The following WDTC1 variants were observed in gnomAD, a reference collection of about 807,000 sequenced individuals.
WDTC1 encodes WD and tetratricopeptide repeats protein 1.
A neutral mutation model predicts 76.0 loss-of-function variants in WDTC1; 12 were observed. The observed-to-expected ratio is 0.16, with a 90% CI of 0.10 to 0.26. The LOEUF is 0.26. Among genes scored for constraint, WDTC1 ranks in the 10% least tolerant of loss-of-function variants. The probability of loss-of-function intolerance (pLI) is 1.00; values close to 1 mark genes in which losing one functional copy is unlikely to be tolerated. For synonymous variants in WDTC1, 326 were observed against 350.8 expected, an observed-to-expected ratio of 0.93 and a Z score of 0.79; for missense variants, 511 against 908.8, an observed-to-expected ratio of 0.56 and a Z score of 5.63.
At chr1:27,240,929 C>T (rs183259099) in intron 1 of WDTC1, among the ~76,000 whole-genome samples, 10 of 144,896 alleles carry the variant, frequency 6.9e-5, no homozygotes, top group Admixed American at 4.4e-4. Flanking sequence ...GAGTTGAGAT[C>T]GCAACACTGT....
chr1:27,281,459 A>G (rs941671784), intron 3 of WDTC1, among the ~76,000 whole-genome samples: 1 of 151,028 alleles, frequency 6.6e-6, no homozygotes, highest in African/African-American at 2.4e-5. Flanking sequence ...AAAAAAAAAA[A>G]TGCTGGGTGA....
At chr1:27,288,908 C>T (rs1431888654) in intron 6 of WDTC1, among the ~76,000 whole-genome samples, 1 of 152,114 alleles carries the variant, frequency 6.6e-6, no homozygotes, top group African/African-American at 2.4e-5. Flanking sequence ...AGGGGCTCCT[C>T]ACTTCCCAGT....
At chr1:27,294,750 A>G in intron 9 of WDTC1, 121 bp downstream of exon 9, 1 of 794,710 alleles carries the variant, frequency 1.3e-6, no homozygotes, top group Non-Finnish European at 2.0e-6. Flanking sequence ...AAATGATGTT[A>G]CATTGAAATG....
intron 1 of WDTC1, among the ~76,000 whole-genome samples, chr1:27,259,271 G>A (rs1323893652): frequency 6.0e-5 from 9 of 149,716 alleles, no homozygotes; most frequent in Non-Finnish European, 1.3e-4. Flanking sequence ...GTGATCTTCC[G>A]ACCTCAGCCT....
intron 3 of WDTC1, among the ~76,000 whole-genome samples, chr1:27,267,214 G>A (rs1454594938): frequency 6.6e-6 from 1 of 150,574 alleles, no homozygotes; most frequent in Non-Finnish European, 1.5e-5. Flanking sequence ...AGAGCTGACA[G>A]TTTAAAAAGC....
At chr1:27,270,519 C>T (rs552348389) in intron 3 of WDTC1, among the ~76,000 whole-genome samples, 7 of 152,170 alleles carry the variant, frequency 4.6e-5, no homozygotes, top group African/African-American at 1.7e-4. Flanking sequence ...ACGGTGAAAC[C>T]CTGTCTCTAC....
At position 27,303,441 on chromosome 1, in the gene WDTC1, A is replaced by G. The variant is rs539821249; in HGVS notation, c.1469-180A>G. Among the ~76,000 whole-genome samples, 1 of 152,252 alleles carries G rather than the reference A, an allele frequency of 6.6e-6. No homozygotes were observed. Among genetic ancestry groups the G allele is most frequent in the South Asian group, 2.1e-4 (1 of 4,822 alleles). On this transcript the variant is annotated intron_variant, in intron 13 of 15. Coordinates refer to ENST00000319394, the MANE Select transcript of WDTC1 (RefSeq NM_001276252.2). The surrounding 1 kb of genome is among the most constrained non-coding windows in gnomAD (Gnocchi z 4.8). Reference sequence around the variant, plus strand: ...CAAAGGTCTCCTCTTGAACATCCTCAGGGGCTAGATCCAAAGATGCATCTT... The same window carrying G: ...CAAAGGTCTCCTCTTGAACATCCTCGGGGGCTAGATCCAAAGATGCATCTT...
intron 1 of WDTC1, among the ~76,000 whole-genome samples, chr1:27,239,095 G>A (rs1163372374): frequency 6.8e-6 from 1 of 147,428 alleles, no homozygotes; most frequent in Admixed American, 6.8e-5. Context: ...ATAGAGATGG[G>A]GTTTCACTAT....
intron 2 of WDTC1, among the ~76,000 whole-genome samples, chr1:27,262,207 C>T (rs375638995): frequency 1.3e-5 from 2 of 151,852 alleles, no homozygotes; most frequent in East Asian, 1.9e-4. Context: ...GGATTACAGG[C>T]GTGAGCCACC....
At chr1:27,256,115 T>C (rs1054869881) in intron 1 of WDTC1, among the ~76,000 whole-genome samples, 5 of 152,164 alleles carry the variant, frequency 3.3e-5, no homozygotes, top group African/African-American at 1.2e-4. Context: ...GCTTGAAGAA[T>C]GCTAAAACAA....
intron 1 of WDTC1, among the ~76,000 whole-genome samples, chr1:27,248,454 T>A (rs2011923466): frequency 6.6e-6 from 1 of 152,210 alleles, no homozygotes; most frequent in African/African-American, 2.4e-5. Flanking sequence ...ATGTCTTCTT[T>A]TGAAAAGTGT....
upstream of WDTC1, chr1:27,234,580 G>T: frequency 2.6e-6 from 1 of 390,356 alleles, no homozygotes; most frequent in Non-Finnish European, 4.5e-6. Context: ...CGTACCCGCC[G>T]GCTGCGAGGC....
chr1:27,260,968 G>C lies in WDTC1; in HGVS notation c.-87G>C. 1 of 1,428,480 alleles carries C rather than the reference G, an allele frequency of 7.0e-7. No individual in the cohort carries two copies. Among genetic ancestry groups the C allele is most frequent in the East Asian group, 2.3e-5 (1 of 43,628 alleles). 88.5% of individuals were successfully genotyped at this position (1,428,480 alleles called of 1,614,324 possible). A position where few individuals can be genotyped will look rare whatever the true frequency, so the allele number is the denominator to read the frequency against. On this transcript the variant is annotated 5_prime_UTR_variant, in exon 2 of 16. Coordinates refer to ENST00000319394, the MANE Select transcript of WDTC1 (RefSeq NM_001276252.2). ...TTTTTTCCCCCAGGTAATTAAATGT[G>C]TATTTTGTGGACCTGGGCTTGGCTG... is the stretch of plus-strand genomic sequence containing the variant.
chr1:27,261,366 ATGTGT>A (rs1215974278), intron 2 of WDTC1, among the ~76,000 whole-genome samples: 1 of 152,140 alleles, frequency 6.6e-6, no homozygotes, highest in Non-Finnish European at 1.5e-5. Flanking sequence ...GGAGCTGTCA[ATGTGT>A]TGTGCAGATA....
chr1:27,241,900 GTT>G (rs549158445), intron 1 of WDTC1, among the ~76,000 whole-genome samples: 1 of 139,612 alleles, frequency 7.2e-6, no homozygotes, highest in Non-Finnish European at 1.6e-5. Flanking sequence ...GTTTTTTTTT[GTT>G]TTTTTTTTTT....
At chr1:27,264,556 G>T (rs1484763138) in intron 3 of WDTC1, among the ~76,000 whole-genome samples, 1 of 152,014 alleles carries the variant, frequency 6.6e-6, no homozygotes, top group East Asian at 1.9e-4. Flanking sequence ...CTTTTTCATT[G>T]TGTCTGACAT....
rs1168861607 is a variant in WDTC1 at position 27,253,337 on chromosome 1, CTTCTTCT to C, written c.-99-7596_-99-7590del. Reference sequence around the variant, plus strand: ...GCCGGCCTCCTCTCTGTTTCTGCTTCTTCTTCTTTCTTCTTTCTTCTTTCTTCTTCTT... The same window carrying C: ...GCCGGCCTCCTCTCTGTTTCTGCTTCTTCTTCTTTCTTCTTTCTTCTTCTT... On this transcript the variant is annotated intron_variant, in intron 1 of 15. Transcript: ENST00000319394. Among the ~76,000 whole-genome samples the C allele has an allele frequency of 1.3e-3, 193 of 151,256 alleles. 1 individual carries two copies. The highest frequency in any genetic ancestry group is 3.4e-3 in the Middle Eastern group (1 of 292).
At chr1:27,282,866 G>A (rs2013226446) in intron 4 of WDTC1, among the ~76,000 whole-genome samples, 2 of 151,708 alleles carry the variant, frequency 1.3e-5, no homozygotes, top group Admixed American at 6.6e-5. Flanking sequence ...TTGGCCGGGC[G>A]TAGTGGCTCA....
chr1:27,288,861 TTGGG>T (rs2013424999), intron 6 of WDTC1, among the ~76,000 whole-genome samples: 1 of 152,176 alleles, frequency 6.6e-6, no homozygotes, highest in Non-Finnish European at 1.5e-5. Context: ...CAATGAGCTG[TTGGG>T]TACACCTCCC....
Sources: allele counts gnomAD v4.1 joint callset (sites outside exome capture counted in the v4.1 genomes callset), GRCh38; gene constraint gnomAD v4.1.1; non-coding constraint Gnocchi (gnomAD v3.1); transcripts MANE v1.5; gene names NCBI Gene and HGNC (gene_info 2026-07-23, HGNC 2026-07-21).